Variants in BRK1 observed in about 807,000 individuals in gnomAD.
BRK1 encodes the protein protein BRICK1.
A neutral mutation model predicts 9.9 loss-of-function variants in BRK1; 6 were observed. The ratio of observed to expected loss-of-function variants is 0.60; its 90% CI spans 0.33 to 1.19. The LOEUF is 1.19. Ranked by LOEUF, BRK1 falls within the 50% of genes most tolerant of loss-of-function variation. The pLI is 0.04. For missense variants in BRK1, 62 were observed against 97.5 expected (o/e 0.64, Z 1.53); for synonymous variants, 44 against 31.9 (o/e 1.38, Z -1.28).
Position 10,126,901 on chromosome 3 carries a change from T to C in BRK1, c.*606T>C, listed in dbSNP as rs1695848933. 6.5e-6 allele frequency: 1 copy of C among 152,732 alleles called. No individual in the cohort carries two copies. The highest frequency in any genetic ancestry group is 2.4e-5 in the African/African-American group (1 of 41,466). 9.5% of individuals were successfully genotyped at this position (152,732 alleles called of 1,614,324 possible). ...GTCTATGCCTCTCATATTTCCCTAA[T>C]AAACTCCTCAACTTTTTATCTGACT... On this transcript the variant is annotated 3_prime_UTR_variant, in exon 3 of 3. Transcript: ENST00000530758.
In BRK1 at chr3:10,126,553, A is replaced by G. The variant is rs368757117; in HGVS notation, c.*258A>G. 1.5e-4 allele frequency: 64 copies of G among 426,316 alleles called. 1 individual carries two copies. The South Asian group carries it at 2.3e-3, about 15-fold the overall frequency. 26.4% of individuals were successfully genotyped at this position (426,316 alleles called of 1,614,324 possible). On this transcript the variant is annotated 3_prime_UTR_variant, in exon 3 of 3. Coordinates refer to ENST00000530758, the MANE Select transcript of BRK1 (RefSeq NM_018462.5). ...TAACATTTTATACATCTACTTGTCA[A>G]TGTATTTGAGACATTCACAGCCAAA...
chr3:10,119,001 T>TTTG (rs1695721436), intron 1 of BRK1, among the ~76,000 whole-genome samples: 1 of 151,872 alleles, frequency 6.6e-6, no homozygotes, highest in Admixed American at 6.6e-5. Flanking sequence ...TAATGGTTTT[T>TTTG]TTTGTTTGTT....
chr3:10,125,339 A>G (rs1438883606), intron 1 of BRK1, among the ~76,000 whole-genome samples: 1 of 152,064 alleles, frequency 6.6e-6, no homozygotes, highest in African/African-American at 2.4e-5. Context: ...TCTTGACCTC[A>G]GGTGATCCAC....
At chr3:10,118,556 C>T (rs1388297073) in intron 1 of BRK1, among the ~76,000 whole-genome samples, 3 of 152,006 alleles carry the variant, frequency 2.0e-5, no homozygotes, top group Non-Finnish European at 2.9e-5. Flanking sequence ...GGCATGATCT[C>T]GGCTCACTGC....
intron 1 of BRK1, among the ~76,000 whole-genome samples, chr3:10,117,324 TA>T (rs1695697947): frequency 1.3e-5 from 2 of 152,034 alleles, no homozygotes; most frequent in South Asian, 4.1e-4. Flanking sequence ...TTTTTATGTC[TA>T]ATTTGTAAGA....
chr3:10,121,755 A>G (rs1695758607), intron 1 of BRK1, among the ~76,000 whole-genome samples: 1 of 150,774 alleles, frequency 6.6e-6, no homozygotes, highest in Non-Finnish European at 1.5e-5. Flanking sequence ...TTTTTAAGAC[A>G]GAGTTTCACT....
At chr3:10,118,285 C>A (rs1695713020) in intron 1 of BRK1, among the ~76,000 whole-genome samples, 1 of 149,874 alleles carries the variant, frequency 6.7e-6, no homozygotes, top group Non-Finnish European at 1.5e-5. Context: ...GACACTATCA[C>A]AATGCAAGAG....
rs71626962 is a variant in BRK1, at chr3:10,123,732, C to CT, written c.119-1873dup. 0.66 allele frequency among the ~76,000 whole-genome samples: 31,882 copies of CT among 48,398 alleles called. 13,310 individuals carry two copies. Among genetic ancestry groups the CT allele is most frequent in the East Asian group, 0.82 (1,423 of 1,740 alleles). The allele number at this position is 48,398 out of a possible 152,430, so 31.8% of individuals were successfully genotyped here. A position where few individuals can be genotyped will look rare whatever the true frequency, so the allele number is the denominator to read the frequency against. ...ACAGGCCTGAGCCACCGTGCCTGGC[C>CT]TTTTTTTTTTTTTTTTTTTTTGAGA... is the stretch of plus-strand genomic sequence containing the variant. On this transcript the variant is annotated intron_variant, in intron 1 of 2. Transcript: ENST00000530758.
chr3:10,119,076 G>A (rs867290965), intron 1 of BRK1, among the ~76,000 whole-genome samples: 2 of 150,158 alleles, frequency 1.3e-5, no homozygotes, highest in Admixed American at 1.3e-4. Flanking sequence ...GTGCGATCTC[G>A]GCTCACTGCA....
In BRK1 at chr3:10,126,106, G is replaced by A. The variant is rs56274701; in HGVS notation, c.202-163G>A. On this transcript the variant is annotated intron_variant, in intron 2 of 2. Coordinates refer to ENST00000530758, the MANE Select transcript of BRK1 (RefSeq NM_018462.5). Reference sequence around the variant, plus strand: ...ACTCCATCTCAAAAAAACAAAAGAAGAGAAAAGTTAAGCATGTTGCCTGGA... The same window carrying A: ...ACTCCATCTCAAAAAAACAAAAGAAAAGAAAAGTTAAGCATGTTGCCTGGA... 0.2 allele frequency among the ~76,000 whole-genome samples: 31,009 copies of A among 152,024 alleles called. 3,661 individuals are homozygous for A. Among genetic ancestry groups the A allele is most frequent in the African/African-American group, 0.33 (13,628 of 41,458 alleles).
chr3:10,116,698 A>G (rs1695691284), intron 1 of BRK1, among the ~76,000 whole-genome samples: 1 of 152,194 alleles, frequency 6.6e-6, no homozygotes, highest in Non-Finnish European at 1.5e-5. Context: ...TTTTAAATGA[A>G]TGATTCTCTA....
At chr3:10,125,585 T>C in intron 1 of BRK1, 41 bp from the exon 2 acceptor site, 1 of 1,268,382 alleles carries the variant, frequency 7.9e-7, no homozygotes, top group Non-Finnish European at 1.1e-6. Flanking sequence ...TGTCTGTGTT[T>C]GGAGTGACAT....
At chr3:10,122,677 C>T (rs1695774714) in intron 1 of BRK1, among the ~76,000 whole-genome samples, 1 of 152,014 alleles carries the variant, frequency 6.6e-6, no homozygotes. Flanking sequence ...GCTATGATTG[C>T]AACACTGAAC....
intron 1 of BRK1, among the ~76,000 whole-genome samples, chr3:10,125,105 GA>G (rs1695819068): frequency 1.3e-5 from 2 of 152,182 alleles, no homozygotes; most frequent in Admixed American, 1.3e-4. Flanking sequence ...AGGGATTAGA[GA>G]AAGGACTTTT....
chr3:10,125,842 G>C (rs111463051), intron 2 of BRK1, 134 bp downstream of exon 2: 2 of 634,006 alleles, frequency 3.2e-6, no homozygotes, highest in Non-Finnish European at 2.7e-6. Context: ...TGTAATCCCA[G>C]CACTTTGGGA....
At chr3:10,120,327 T>C (rs964570106) in intron 1 of BRK1, among the ~76,000 whole-genome samples, 1 of 152,114 alleles carries the variant, frequency 6.6e-6, no homozygotes. Context: ...CCCAAATAGC[T>C]GGGATTACAG....
chr3:10,123,437 C>CTTTTTTT, intron 1 of BRK1, among the ~76,000 whole-genome samples: 1 of 131,966 alleles, frequency 7.6e-6, no homozygotes, highest in African/African-American at 3.2e-5. Context: ...TACTTTCTTT[C>CTTTTTTT]CTTTTTTTTT....
chr3:10,126,120 A>C, intron 2 of BRK1, 149 bp from the exon 3 acceptor site: 1 of 578,572 alleles, frequency 1.7e-6, no homozygotes, highest in Non-Finnish European at 3.0e-6. Context: ...AAAGTTAAGC[A>C]TGTTGCCTGG....
intron 2 of BRK1, 28 bp from the exon 3 acceptor site, chr3:10,126,241 A>G (rs767554967): frequency 1.1e-5 from 17 of 1,493,990 alleles, no homozygotes; most frequent in Non-Finnish European, 1.4e-5. Flanking sequence ...TAATTTATCT[A>G]AATGTCAGTT....
Sources: allele counts gnomAD v4.1 joint callset (sites outside exome capture counted in the v4.1 genomes callset), GRCh38; gene constraint gnomAD v4.1.1; transcripts MANE v1.5; gene names NCBI Gene and HGNC (gene_info 2026-07-23, HGNC 2026-07-21).